Variants in NIBAN2 observed in about 807,000 individuals in gnomAD.
The protein encoded by NIBAN2 is protein Niban 2.
Under a neutral mutation model 81.8 loss-of-function variants are expected in NIBAN2, and 36 were observed. The ratio of observed to expected loss-of-function variants is 0.44; its 90% CI spans 0.34 to 0.58. NIBAN2 has a LOEUF of 0.58. NIBAN2 is among the 20% of genes least tolerant of loss of function. The pLI is 0.02. For synonymous variants in NIBAN2, 445 were observed against 441.6 expected (o/e 1.01, Z -0.10); for missense variants, 897 against 1,014.1 (o/e 0.88, Z 1.57).
Position 127,508,061 on chromosome 9 carries a change from C to T in NIBAN2, c.1542+32G>A, listed in dbSNP as rs372002650. 17 of 1,611,588 alleles carry T rather than the reference C, an allele frequency of 1.1e-5. No homozygotes were observed. The African/African-American group carries it at 2.3e-4, about 22-fold the overall frequency. On this transcript the variant is annotated intron_variant, in intron 12 of 13. Transcript: ENST00000373312. The surrounding 1 kb of genome is among the most constrained non-coding windows in gnomAD (Gnocchi z 6.4). ...TGGGCTCCATCCCCCAACTTAGGGC[C>T]CAAACGGCTGGAGCAGGTGGGGGCT...
chr9:127,525,214 C>A, intron 3 of NIBAN2, 51 bp from the exon 4 acceptor site: 1 of 1,410,664 alleles, frequency 7.1e-7, no homozygotes, highest in South Asian at 1.2e-5. Context: ...CGGCCAAGCC[C>A]AAATCCCACC....
chr9:127,532,593 C>T (rs1012947617), intron 1 of NIBAN2, among the ~76,000 whole-genome samples: 2 of 151,786 alleles, frequency 1.3e-5, no homozygotes, highest in Non-Finnish European at 2.9e-5. Flanking sequence ...GGCGACAGAG[C>T]GAGACTCCAT....
At chr9:127,573,242 G>A (rs1028590162), upstream of NIBAN2, among the ~76,000 whole-genome samples, 3 of 152,104 alleles carry the variant, frequency 2.0e-5, no homozygotes, top group Non-Finnish European at 4.4e-5. Context: ...GGAAGGAGGG[G>A]TGGGCCCTGG....
Position 127,562,210 on chromosome 9 carries a change from C to A in NIBAN2, c.55+6610G>T, listed in dbSNP as rs1378753881. Among the ~76,000 whole-genome samples the A allele has an allele frequency of 2.6e-5, 4 of 152,278 alleles. No individual in the cohort carries two copies. In the East Asian group the frequency reaches 7.7e-4, roughly 29 times the overall value. ...CTCCTCCTCCCACTTCCTCTCCCCG[C>A]CTCCGAAAGCTTACCTCTCTTGGAG... On this transcript the variant is annotated intron_variant, in intron 1 of 13. Transcript: ENST00000373312.
chr9:127,547,171 A>T (rs1384926974), intron 1 of NIBAN2, among the ~76,000 whole-genome samples: 1 of 152,170 alleles, frequency 6.6e-6, no homozygotes, highest in Non-Finnish European at 1.5e-5. Context: ...TGCTGGCTAT[A>T]GGACTTTCAG....
chr9:127,562,145 TGGGA>T (rs1327841616), intron 1 of NIBAN2, among the ~76,000 whole-genome samples: 1 of 152,092 alleles, frequency 6.6e-6, no homozygotes, highest in Non-Finnish European at 1.5e-5. Context: ...GTGCAACCTA[TGGGA>T]GGGAGACTGA....
Position 127,507,317 on chromosome 9 carries a change from C to T in NIBAN2, c.1769G>A (p.Gly590Asp), listed in dbSNP as rs772289133. ...CCCGCCGCTGTTGCTGTACTCCTCG[C>T]CCCAGTCGATGGGGGCGCCCTCGGC... is the stretch of plus-strand genomic sequence containing the variant. ...LLAEGAPIDW[G>D]EEYSNSGGGG... Residue 590 changes from glycine (G) to aspartate (D), a missense_variant, in exon 14 of 14, where the codon GGC (glycine) becomes GAC (aspartate). Transcript: ENST00000373312. This position sits in a 1 kb window ranked among gnomAD's most constrained non-coding sequence, Gnocchi z 6.8. 1 of 1,575,412 alleles carries T rather than the reference C, an allele frequency of 6.3e-7. No individual in the cohort carries two copies. Among genetic ancestry groups the T allele is most frequent in the Non-Finnish European group, 8.6e-7 (1 of 1,156,688 alleles).
intron 3 of NIBAN2, 151 bp from the exon 4 acceptor site, chr9:127,525,314 A>C: frequency 2.0e-5 from 12 of 612,910 alleles, no homozygotes; most frequent in East Asian, 2.8e-5. Context: ...GGAGAATGTC[A>C]CTATCATGGT....
rs775164461 is a variant in NIBAN2, at chr9:127,506,899, G to A, written c.2187C>T (p.His729=). The A allele has an allele frequency of 5.0e-6, 8 of 1,612,542 alleles. No homozygotes were observed. In the African/African-American group the frequency reaches 8.0e-5, roughly 16 times the overall value. ...CCTCGGTGGTGGTGTGGAGGGCGGG[G>A]TGGCTGCTGGGGCTGGACACCTGCT... ...TGEQVSSPSS[H]PALHTTTEDS... Residue 729 remains histidine, a synonymous_variant, in exon 14 of 14, where the codon CAC becomes CAT. Transcript: ENST00000373312.
intron 3 of NIBAN2, among the ~76,000 whole-genome samples, chr9:127,525,775 T>C (rs1040642983): frequency 1.3e-5 from 2 of 152,174 alleles, no homozygotes; most frequent in Admixed American, 6.6e-5. Flanking sequence ...CTTCACACAG[T>C]TGGGAAGTAG....
At chr9:127,515,513 T>C (rs1364813712) in intron 8 of NIBAN2, among the ~76,000 whole-genome samples, 6 of 96,328 alleles carry the variant, frequency 6.2e-5, no homozygotes, top group Admixed American at 1.5e-4. Flanking sequence ...AGAGCGAGAC[T>C]CCGTCTCAAA....
intron 2 of NIBAN2, 46 bp from the exon 3 acceptor site, chr9:127,527,368 TG>T: frequency 3.2e-6 from 5 of 1,555,444 alleles, no homozygotes; most frequent in Non-Finnish European, 4.4e-6. Flanking sequence ...TCTGGGGGGG[TG>T]GTGCTCCCCA....
intron 3 of NIBAN2, among the ~76,000 whole-genome samples, 164 bp downstream of exon 3, chr9:127,527,030 C>T (rs1837080153): frequency 6.6e-6 from 1 of 152,110 alleles, no homozygotes. Flanking sequence ...GCACCCAGGG[C>T]AGCCCAGTTT....
chr9:127,541,982 T>C (rs1588173752), intron 1 of NIBAN2, among the ~76,000 whole-genome samples: 1 of 151,954 alleles, frequency 6.6e-6, no homozygotes, highest in Non-Finnish European at 1.5e-5. Flanking sequence ...AGCCTGTGCC[T>C]CTAGTCACTG....
chr9:127,527,949 C>T (rs1051720926), intron 2 of NIBAN2, among the ~76,000 whole-genome samples: 3 of 152,178 alleles, frequency 2.0e-5, no homozygotes, highest in Admixed American at 6.5e-5. Context: ...ATGTCTGACC[C>T]GCGTCCTGGC....
exon 1 of NIBAN2, chr9:127,578,939 C>G: frequency 6.2e-7 from 1 of 1,610,530 alleles, no homozygotes; most frequent in Non-Finnish European, 8.5e-7. Context: ...CCACCCCATC[C>G]TCCAGAGTGA....
chr9:127,578,718 G>T (rs561688175), intron 1 of NIBAN2, among the ~76,000 whole-genome samples: 2 of 151,906 alleles, frequency 1.3e-5, no homozygotes, highest in Non-Finnish European at 2.9e-5. Context: ...CTTGTCAGTG[G>T]GTGCTGTAGT....
intron 1 of NIBAN2, among the ~76,000 whole-genome samples, chr9:127,549,408 C>T (rs528385904): frequency 6.6e-6 from 1 of 152,040 alleles, no homozygotes; most frequent in South Asian, 2.1e-4. Context: ...CACTCACATG[C>T]ACGCCCACAC....
intron 1 of NIBAN2, among the ~76,000 whole-genome samples, chr9:127,553,753 G>C (rs1321385799): frequency 6.6e-6 from 1 of 152,222 alleles, no homozygotes. Flanking sequence ...ATCTTGCTCA[G>C]TTGCCCAGGC....
Sources: allele counts gnomAD v4.1 joint callset (sites outside exome capture counted in the v4.1 genomes callset), GRCh38; gene constraint gnomAD v4.1.1; non-coding constraint Gnocchi (gnomAD v3.1); transcripts MANE v1.5; gene names NCBI Gene and HGNC (gene_info 2026-07-23, HGNC 2026-07-21).